Variants in PTPRS observed in about 807,000 individuals in gnomAD.
PTPRS encodes protein tyrosine phosphatase receptor type S.
PTPRS carries 63 observed loss-of-function variants against 215.3 expected under a neutral mutation model. The ratio of observed to expected loss-of-function variants is 0.29; its 90% confidence interval spans 0.24 to 0.36. PTPRS has a LOEUF of 0.36. Ranked by LOEUF, PTPRS falls within the 10% of genes least tolerant of loss-of-function variation. The pLI, the probability that PTPRS is intolerant of heterozygous loss-of-function variation, is 1.00. For synonymous variants in PTPRS, 1,404 were observed against 1,191.4 expected (o/e 1.18, Z -3.68); for missense variants, 2,258 against 2,825.8 (o/e 0.80, Z 4.56).
intron 6 of PTPRS, among the ~76,000 whole-genome samples, chr19:5,261,302 A>C (rs1363371401): frequency 1.3e-5 from 2 of 151,742 alleles, no homozygotes; most frequent in Non-Finnish European, 2.9e-5. Context: ...TGTTAGAGAC[A>C]GGGGAGGTGG....
chr19:5,305,744 TAA>T (rs1491283482), intron 1 of PTPRS, among the ~76,000 whole-genome samples: 115 of 62,980 alleles, frequency 1.8e-3, no homozygotes, highest in African/African-American at 4.3e-3. Flanking sequence ...AATAAATAAA[TAA>T]ATATATATAT....
At chr19:5,219,289 C>A in intron 23 of PTPRS, 21 bp downstream of exon 23, 1 of 1,613,610 alleles carries the variant, frequency 6.2e-7, no homozygotes. Context: ...CAAGTCAAGT[C>A]GGGGAGGACA....
intron 8 of PTPRS, among the ~76,000 whole-genome samples, chr19:5,256,864 G>A (rs2045593481): frequency 6.6e-6 from 1 of 152,020 alleles, no homozygotes; most frequent in South Asian, 2.1e-4. Flanking sequence ...CGAAGGTGGT[G>A]AGTGAGGGTC....
At chr19:5,331,966 C>T (rs1312018462) in intron 1 of PTPRS, among the ~76,000 whole-genome samples, 1 of 152,132 alleles carries the variant, frequency 6.6e-6, no homozygotes, top group Admixed American at 6.6e-5. Context: ...GAGTCTTAAA[C>T]CCATTTCACA....
At chr19:5,260,077 G>A (rs889188543) in intron 7 of PTPRS, among the ~76,000 whole-genome samples, 13 of 152,028 alleles carry the variant, frequency 8.6e-5, no homozygotes, top group African/African-American at 2.9e-4. Context: ...GGATGGAGCC[G>A]ACCGACCTGA....
At chr19:5,265,364 C>T (rs961223313) in intron 4 of PTPRS, among the ~76,000 whole-genome samples, 168 bp from the exon 5 acceptor site, 9 of 152,122 alleles carry the variant, frequency 5.9e-5, no homozygotes, top group African/African-American at 1.9e-4. Flanking sequence ...TTTTTTGAGA[C>T]AGGGTCTTGC....
chr19:5,260,961 C>T, intron 6 of PTPRS, 139 bp from the exon 7 acceptor site: 1 of 1,012,328 alleles, frequency 9.9e-7, no homozygotes, highest in Non-Finnish European at 1.5e-6. Context: ...CAGCCCTGGG[C>T]ATACGGACCC....
intron 1 of PTPRS, among the ~76,000 whole-genome samples, chr19:5,321,746 C>T (rs990723196): frequency 8.0e-5 from 12 of 149,852 alleles, no homozygotes; most frequent in African/African-American, 2.7e-4. Context: ...TTTATCCAAG[C>T]GCCAAAATTG....
At chr19:5,332,161 C>CT (rs1299615735) in intron 1 of PTPRS, among the ~76,000 whole-genome samples, 1 of 151,532 alleles carries the variant, frequency 6.6e-6, no homozygotes, top group Non-Finnish European at 1.5e-5. Context: ...GAGTCTCACT[C>CT]TATCGCCCAG....
chr19:5,289,450 G>A (rs923327411), intron 1 of PTPRS, among the ~76,000 whole-genome samples: 2 of 152,096 alleles, frequency 1.3e-5, no homozygotes, highest in African/African-American at 4.8e-5. Context: ...GCAAGCACCC[G>A]AGTCAGGGCT....
chr19:5,267,844 C>T (rs1018627000), intron 4 of PTPRS, among the ~76,000 whole-genome samples: 10 of 151,792 alleles, frequency 6.6e-5, no homozygotes, highest in African/African-American at 1.7e-4. Flanking sequence ...GGTAAAGGGC[C>T]GCAAAAACAG....
chr19:5,234,946 T>TC (rs199648348), intron 13 of PTPRS, among the ~76,000 whole-genome samples: 7 of 137,464 alleles, frequency 5.1e-5, no homozygotes, highest in African/African-American at 2.4e-4. Context: ...TTTCTTTCTT[T>TC]TTTTTTTTTT....
chr19:5,327,407 C>T (rs2050198839), intron 1 of PTPRS, among the ~76,000 whole-genome samples: 1 of 152,152 alleles, frequency 6.6e-6, no homozygotes, highest in Non-Finnish European at 1.5e-5. Context: ...GACGAGAAAA[C>T]TGAGGCCCTG....
Position 5,211,585 on chromosome 19 carries a change from C to A in PTPRS, c.5234+5G>T, listed in dbSNP as rs753096321. 8.7e-6 allele frequency: 14 copies of A among 1,603,460 alleles called. No homozygotes were observed. The highest frequency in any genetic ancestry group is 1.2e-5 in the Non-Finnish European group (14 of 1,171,280). On this transcript the variant is annotated splice_donor_5th_base_variant and intron_variant, in intron 33 of 37. Coordinates refer to ENST00000262963, the MANE Select transcript of PTPRS (RefSeq NM_002850.4). ...GCCCTGAGGTGGGAAAGGCATGGCA[C>A]CTACCTGTAGCCATCAATGAAGCTG...
In PTPRS at chr19:5,211,760, A is replaced by G. The variant is rs2040910853; in HGVS notation, c.5064T>C (p.Ala1688=). The change falls in exon 33 of 38, where the codon GCT becomes GCC. Residue 1688 remains alanine, a synonymous_variant. Coordinates refer to ENST00000262963, the MANE Select transcript of PTPRS (RefSeq NM_002850.4). ...TGMELEFKRL[A]NSKAHTSRFI... ...AGCGTGACGTGTGGGCCTTGGAGTT[A>G]GCCAGCCGCTGTGGGGAGGAGGAAG... is the stretch of plus-strand genomic sequence containing the variant. The G allele has an allele frequency of 1.2e-6, 2 of 1,612,078 alleles. No homozygotes were observed. The highest frequency in any genetic ancestry group is 1.7e-6 in the Non-Finnish European group (2 of 1,178,394).
At chr19:5,331,149 A>AAAAG (rs2050314289) in intron 1 of PTPRS, among the ~76,000 whole-genome samples, 1 of 150,928 alleles carries the variant, frequency 6.6e-6, no homozygotes, top group African/African-American at 2.4e-5. Context: ...AAAAAAAAAA[A>AAAAG]AGAGAAGGCC....
At position 5,206,129 on chromosome 19, in the gene PTPRS, A is replaced by T. The variant is rs911217822; in HGVS notation, c.*645T>A. ...CCTGGCGTGCGCGTTTGCGAACGTAACTATCACACAAGGACGCTTTCTACA... is the reference window on the plus strand; with the variant it reads ...CCTGGCGTGCGCGTTTGCGAACGTATCTATCACACAAGGACGCTTTCTACA... On this transcript the variant is annotated 3_prime_UTR_variant, in exon 38 of 38. Transcript: ENST00000262963. Among the ~76,000 whole-genome samples the T allele has an allele frequency of 1.4e-4, 21 of 151,636 alleles. No individual in the cohort carries two copies. Among genetic ancestry groups the T allele is most frequent in the Non-Finnish European group, 2.8e-4 (19 of 67,954 alleles).
chr19:5,262,909 G>A, intron 6 of PTPRS, 55 bp downstream of exon 6: 5 of 1,524,840 alleles, frequency 3.3e-6, no homozygotes, highest in Non-Finnish European at 3.6e-6. Flanking sequence ...GGAGCAGAAG[G>A]GGCACAAAGG....
Position 5,287,964 on chromosome 19 carries a change from GCACACACACACA to G in PTPRS, c.-94-1742_-94-1731del, listed in dbSNP as rs3042434. ...TCACACAGTCAGGCAGCAGAGACGG[GCACACACACACA>G]CACACACACACACACACACACACAC... On this transcript the variant is annotated intron_variant, in intron 1 of 37. Coordinates refer to ENST00000262963, the MANE Select transcript of PTPRS (RefSeq NM_002850.4). The surrounding 1 kb of genome is among the most constrained non-coding windows in gnomAD (Gnocchi z 4.8). Among the ~76,000 whole-genome samples, 994 of 133,344 alleles carry G rather than the reference GCACACACACACA, an allele frequency of 7.5e-3. 7 individuals are homozygous for G. The highest frequency in any genetic ancestry group is 0.016 in the African/African-American group (563 of 35,634). 87.5% of individuals were successfully genotyped at this position (133,344 alleles called of 152,430 possible). A position where few individuals can be genotyped will look rare whatever the true frequency, so the allele number is the denominator to read the frequency against.
Sources: gnomAD v4.1 joint callset for allele counts (sites outside exome capture counted in the v4.1 genomes callset) on GRCh38, gnomAD v4.1.1 for gene constraint, Gnocchi (gnomAD v3.1) non-coding constraint, MANE v1.5 for transcripts, NCBI Gene and HGNC (gene_info 2026-07-23, HGNC 2026-07-21) for gene names.